The following TENM3 variants were observed in gnomAD, a reference collection of about 807,000 sequenced individuals.
TENM3 encodes the protein teneurin transmembrane protein 3, also known as teneurin-3.
In TENM3, 63 loss-of-function variants were observed where a neutral mutation model predicts 255.1. The ratio of observed to expected loss-of-function variants is 0.25; its 90% CI spans 0.20 to 0.30. The LOEUF (loss-of-function observed/expected upper bound fraction) is 0.30. Ranked by LOEUF, TENM3 falls within the 10% of genes least tolerant of loss-of-function variation. The pLI, the probability that TENM3 is intolerant of heterozygous loss-of-function variation, is 1.00. For missense variants in TENM3, 2,929 were observed against 3,461.1 expected (o/e 0.85, Z 3.86); for synonymous variants, 1,306 against 1,322.3 (o/e 0.99, Z 0.27).
At chr4:182,265,690 T>G (rs1759200141) in intron 1 of TENM3, among the ~76,000 whole-genome samples, 1 of 152,212 alleles carries the variant, frequency 6.6e-6, no homozygotes. Context: ...ATCTTACAAC[T>G]ATTGTAATCT....
intron 3 of TENM3, among the ~76,000 whole-genome samples, chr4:182,593,266 G>A (rs558508195): frequency 6.6e-6 from 1 of 152,304 alleles, no homozygotes; most frequent in South Asian, 2.1e-4. Context: ...GCTGATGAAT[G>A]AATACCCAGG....
chr4:181,932,182 C>T, the TENM3 span, among the ~76,000 whole-genome samples: 2 of 152,108 alleles, frequency 1.3e-5, no homozygotes, highest in Non-Finnish European at 2.9e-5. Context: ...TCTAATTAAA[C>T]TAAAGAGCTT....
At chr4:182,119,391 A>C in the TENM3 span, among the ~76,000 whole-genome samples, 11 of 152,282 alleles carry the variant, frequency 7.2e-5, no homozygotes, top group South Asian at 4.1e-4. Context: ...TGGAGTTTTT[A>C]TCTCTCAGAC....
At chr4:181,516,022 G>A in the TENM3 span, among the ~76,000 whole-genome samples, 1 of 152,140 alleles carries the variant, frequency 6.6e-6, no homozygotes, top group African/African-American at 2.4e-5. Context: ...GCCATAAAAA[G>A]AAACAATATC....
intron 1 of TENM3, among the ~76,000 whole-genome samples, chr4:182,150,784 C>T (rs1750283753): frequency 6.6e-6 from 1 of 152,048 alleles, no homozygotes; most frequent in South Asian, 2.1e-4. Flanking sequence ...GCTAATACCT[C>T]TTCAGGTTGC....
the TENM3 span, among the ~76,000 whole-genome samples, chr4:182,132,876 G>A: frequency 6.6e-6 from 1 of 152,064 alleles, no homozygotes; most frequent in Non-Finnish European, 1.5e-5. Context: ...ACTTACATTG[G>A]GCAAATTACT....
chr4:182,095,732 T>C, the TENM3 span, among the ~76,000 whole-genome samples: 211 of 150,474 alleles, frequency 1.4e-3, no homozygotes, highest in African/African-American at 4.9e-3. Flanking sequence ...GAAAAGTTCC[T>C]AAAACAAAAA....
At chr4:182,192,484 C>T (rs1368330628) in intron 1 of TENM3, among the ~76,000 whole-genome samples, 1 of 152,178 alleles carries the variant, frequency 6.6e-6, no homozygotes, top group Non-Finnish European at 1.5e-5. Flanking sequence ...GAAGATCAGG[C>T]AGGACTACTG....
the TENM3 span, among the ~76,000 whole-genome samples, chr4:181,833,516 A>G: frequency 6.6e-6 from 1 of 152,236 alleles, no homozygotes; most frequent in East Asian, 1.9e-4. Context: ...AGCTGTCTTC[A>G]GGATAAAATC....
At chr4:182,315,402 C>A (rs1287843632) in intron 1 of TENM3, among the ~76,000 whole-genome samples, 1 of 146,138 alleles carries the variant, frequency 6.8e-6, no homozygotes, top group African/African-American at 2.5e-5. Context: ...ATATAAAATT[C>A]TAGGGTTTTT....
At chr4:181,938,782 G>A in the TENM3 span, among the ~76,000 whole-genome samples, 8 of 152,230 alleles carry the variant, frequency 5.3e-5, no homozygotes, top group East Asian at 5.8e-4. Context: ...CACTGTGGTC[G>A]CAAAAAAGCT....
chr4:181,779,723 G>T, the TENM3 span, among the ~76,000 whole-genome samples: 1 of 151,926 alleles, frequency 6.6e-6, no homozygotes. Context: ...GTGCCATGTT[G>T]GTGTGCTGCA....
intron 3 of TENM3, among the ~76,000 whole-genome samples, chr4:182,529,295 T>C (rs1210597358): frequency 6.6e-6 from 1 of 152,202 alleles, no homozygotes; most frequent in Admixed American, 6.5e-5. Context: ...TCACTTGGTC[T>C]GAAAAGATTA....
the TENM3 span, among the ~76,000 whole-genome samples, chr4:181,651,874 C>T: frequency 4.6e-5 from 7 of 152,062 alleles, 1 homozygote; most frequent in African/African-American, 1.7e-4. Context: ...ATTGATTGCA[C>T]TTCAATGGAC....
At chr4:181,862,408 T>C in the TENM3 span, among the ~76,000 whole-genome samples, 5 of 152,140 alleles carry the variant, frequency 3.3e-5, no homozygotes, top group Non-Finnish European at 7.4e-5. Context: ...GGTAACACAC[T>C]AAAATATATT....
chr4:182,318,439 T>C (rs778066209), intron 1 of TENM3, among the ~76,000 whole-genome samples: 4 of 152,226 alleles, frequency 2.6e-5, no homozygotes, highest in Non-Finnish European at 4.4e-5. Context: ...AATGTAATGA[T>C]GTCATTACAT....
intron 3 of TENM3, among the ~76,000 whole-genome samples, chr4:182,367,155 C>T (rs1056338564): frequency 6.6e-6 from 1 of 152,110 alleles, no homozygotes; most frequent in Non-Finnish European, 1.5e-5. Context: ...AGCAGGACTT[C>T]GAAAGATGGT....
upstream of TENM3, among the ~76,000 whole-genome samples, chr4:182,240,906 C>A (rs762945301): frequency 5.9e-5 from 9 of 152,210 alleles, no homozygotes; most frequent in Admixed American, 1.3e-4. Context: ...TCTGAGGCCC[C>A]TGGGCAGGAT....
At chr4:181,632,011 T>C in the TENM3 span, among the ~76,000 whole-genome samples, 3 of 152,208 alleles carry the variant, frequency 2.0e-5, no homozygotes, top group Non-Finnish European at 4.4e-5. Flanking sequence ...CTATTGCTAC[T>C]ACACAAATCC....
Sources: allele counts gnomAD v4.1 joint callset (sites outside exome capture counted in the v4.1 genomes callset), GRCh38; gene constraint gnomAD v4.1.1; transcripts MANE v1.5; gene names NCBI Gene and HGNC (gene_info 2026-07-23, HGNC 2026-07-21).